STIP1: variants seen among roughly 807,000 people sequenced by gnomAD.
STIP1 encodes the protein stress-induced-phosphoprotein 1.
In STIP1, 16 loss-of-function variants were observed where a neutral mutation model predicts 77.4. The ratio of observed to expected loss-of-function variants is 0.21; its 90% confidence interval spans 0.14 to 0.31. The LOEUF is 0.31. STIP1 is among the 10% of genes least tolerant of loss of function. The probability of loss-of-function intolerance (pLI) is 1.00; values close to 1 mark genes in which losing one functional copy is unlikely to be tolerated. For synonymous variants in STIP1, 258 were observed against 246.6 expected (o/e 1.05, Z -0.44); for missense variants, 524 against 684.8 (o/e 0.77, Z 2.62).
chr11:64,204,408 G>GTT lies in STIP1; in HGVS notation c.*291_*292dup. On this transcript the variant is annotated 3_prime_UTR_variant, in exon 14 of 14. Transcript: ENST00000305218. ...TGTCTCGGCTGCTCTCCCATAGTTG[G>GTT]TTTTTTTTTTATTTGGGGCAGTGGG... 2.1e-4 allele frequency: 83 copies of GTT among 399,470 alleles called. No individual in the cohort carries two copies. The East Asian group carries it at 2.6e-3, about 12-fold the overall frequency. The allele number at this position is 399,470 out of a possible 1,614,324, so 24.7% of individuals were successfully genotyped here.
rs368536005 is a variant in STIP1, at chr11:64,203,162, G to A, written c.1320G>A (p.Ala440=). The change falls in exon 12 of 14, where the codon GCG becomes GCA. Residue 440 remains alanine, a synonymous_variant. Coordinates refer to ENST00000305218, the MANE Select transcript of STIP1 (RefSeq NM_006819.3). The part of the protein sequence containing the change: ...GYTRKAAALE[A]MKDYTKAMDV... Reference sequence around the variant, plus strand: ...CACGGAAAGCCGCTGCGCTGGAAGCGATGAAGGACTACACCAAAGCCATGG... The same window carrying A: ...CACGGAAAGCCGCTGCGCTGGAAGCAATGAAGGACTACACCAAAGCCATGG... The A allele has an allele frequency of 1.7e-5, 27 of 1,614,220 alleles. No individual in the cohort carries two copies. The highest frequency in any genetic ancestry group is 8.3e-5 in the Admixed American group (5 of 60,028).
intron 5 of STIP1, 111 bp from the exon 6 acceptor site, chr11:64,197,160 G>C (rs1231407670): frequency 5.6e-6 from 8 of 1,440,266 alleles, no homozygotes; most frequent in South Asian, 4.0e-5. Context: ...AGGAGAACTT[G>C]ATAGAATTCT....
intron 12 of STIP1, 26 bp downstream of exon 12, chr11:64,203,254 G>T (rs538407559): frequency 8.7e-6 from 14 of 1,609,732 alleles, no homozygotes; most frequent in Non-Finnish European, 1.2e-5. Flanking sequence ...GCCTCCAGGG[G>T]CCCCCCCTGC....
chr11:64,195,796 C>T lies in STIP1; in HGVS notation c.655C>T (p.Pro219Ser). ...TKPEPMEEDL[P>S]ENKKQALKEK... Reference sequence around the variant, plus strand: ...GCCAGAGCCAATGGAAGAAGATCTTCCAGAGAATAAGAAGCAGGTCTTGTT... The same window carrying T: ...GCCAGAGCCAATGGAAGAAGATCTTTCAGAGAATAAGAAGCAGGTCTTGTT... Residue 219 changes from proline (P) to serine (S), a missense_variant, in exon 5 of 14, where the codon CCA becomes TCA. Pro to Ser is a moderately conservative substitution (Grantham distance 74). Coordinates refer to ENST00000305218, the MANE Select transcript of STIP1 (RefSeq NM_006819.3). 6.2e-7 allele frequency: 1 copy of T among 1,614,044 alleles called. No individual in the cohort carries two copies. Among genetic ancestry groups the T allele is most frequent in the South Asian group, 1.1e-5 (1 of 91,076 alleles).
upstream of STIP1, chr11:64,185,716 C>CG (rs1363823872): frequency 7.0e-7 from 1 of 1,429,330 alleles, no homozygotes; most frequent in African/African-American, 1.4e-5. Flanking sequence ...ATATCAGGGG[C>CG]GGGGCGAAAC....
chr11:64,196,356 A>G (rs998585155), intron 5 of STIP1, among the ~76,000 whole-genome samples: 2 of 146,478 alleles, frequency 1.4e-5, no homozygotes, highest in Admixed American at 7.3e-5. Flanking sequence ...AGAGCTCATC[A>G]CTACACTCCA....
intron 1 of STIP1, among the ~76,000 whole-genome samples, chr11:64,192,595 C>T (rs530325964): frequency 1.3e-5 from 2 of 152,318 alleles, no homozygotes; most frequent in Admixed American, 6.5e-5. Flanking sequence ...AGCATCTTGC[C>T]GCTCCCAAGA....
At chr11:64,194,409 G>A in intron 3 of STIP1, 70 bp from the exon 4 acceptor site, 1 of 1,610,808 alleles carries the variant, frequency 6.2e-7, no homozygotes, top group Non-Finnish European at 8.5e-7. Context: ...ATGTCAGTCT[G>A]GTAGGGTATG....
chr11:64,186,218 A>G lies in STIP1; in HGVS notation c.-44A>G, dbSNP rs369899227. On this transcript the variant is annotated 5_prime_UTR_variant, in exon 1 of 14. Coordinates refer to ENST00000305218, the MANE Select transcript of STIP1 (RefSeq NM_006819.3). ...GCGGCGCGTGCGGTTGGGAACGCGG[A>G]GCGGACGGATTCGATTCAACGGGGT... is the stretch of plus-strand genomic sequence containing the variant. 23 of 1,549,852 alleles carry G rather than the reference A, an allele frequency of 1.5e-5. No homozygotes were observed. Among genetic ancestry groups the G allele is most frequent in the African/African-American group, 6.9e-5 (5 of 72,728 alleles).
At chr11:64,186,820 C>G (rs1014095720) in intron 1 of STIP1, among the ~76,000 whole-genome samples, 1 of 152,196 alleles carries the variant, frequency 6.6e-6, no homozygotes, top group Non-Finnish European at 1.5e-5. Flanking sequence ...AAATGTTACT[C>G]TTCTACATCT....
At position 64,197,477 on chromosome 11, in the gene STIP1, C is replaced by T. The variant is rs1230544595; in HGVS notation, c.800-16C>T. The T allele has an allele frequency of 6.2e-7, 1 of 1,614,012 alleles. No homozygotes were observed. The highest frequency in any genetic ancestry group is 8.5e-7 in the Non-Finnish European group (1 of 1,180,036). ...GCAAAGACTGACTGTTCCTTCTTAA[C>T]CATCCTGCCTGGCAGCGGTATACTT... is the stretch of plus-strand genomic sequence containing the variant. On this transcript the variant is annotated splice_polypyrimidine_tract_variant and intron_variant, in intron 6 of 13. Transcript: ENST00000305218.
At chr11:64,185,679 G>C (rs1946003049), upstream of STIP1, 2 of 1,161,486 alleles carry the variant, frequency 1.7e-6, no homozygotes, top group Non-Finnish European at 2.4e-6. Context: ...CACAGCTACA[G>C]ACCCCGACTG....
chr11:64,198,823 G>C (rs1218571340), intron 8 of STIP1, among the ~76,000 whole-genome samples: 1 of 143,442 alleles, frequency 7.0e-6, no homozygotes, highest in Non-Finnish European at 1.5e-5. Context: ...TTAATATTGA[G>C]GGCCTGTGCA....
intron 10 of STIP1, chr11:64,202,415 T>TTC (rs1173686844): frequency 3.4e-5 from 5 of 148,838 alleles, no homozygotes; most frequent in Non-Finnish European, 6.0e-5. Flanking sequence ...TTTTTTTTTT[T>TTC]TTTTTTTTTT....
Position 64,194,335 on chromosome 11 carries a change from GT to G in STIP1, c.361+6del. 1 of 1,613,064 alleles carries G rather than the reference GT, an allele frequency of 6.2e-7. No individual in the cohort carries two copies. The highest frequency in any genetic ancestry group is 8.5e-7 in the Non-Finnish European group (1 of 1,179,734). On this transcript the variant is annotated splice_donor_region_variant and intron_variant, in intron 3 of 13. Coordinates refer to ENST00000305218, the MANE Select transcript of STIP1 (RefSeq NM_006819.3). ...ATATGGAGGCCAGGTTGGCAGGTAGGTACCACGCACAGTTTTCTTTCTTATT... is the reference window on the plus strand; with the variant it reads ...ATATGGAGGCCAGGTTGGCAGGTAGGACCACGCACAGTTTTCTTTCTTATT...
intron 1 of STIP1, among the ~76,000 whole-genome samples, chr11:64,191,504 G>A (rs1264261634): frequency 6.6e-6 from 1 of 152,068 alleles, no homozygotes; most frequent in Non-Finnish European, 1.5e-5. Context: ...TACTCAGGAG[G>A]CTGAGGCAGG....
rs1946115178 is a variant in STIP1, at chr11:64,193,515, G to C, written c.219+228G>C. ...GGAAGAGGCCAGGGCTGGGCGCGGT[G>C]ACGCACGCCTGTGATCCCAACACTT... is the stretch of plus-strand genomic sequence containing the variant. On this transcript the variant is annotated intron_variant, in intron 2 of 13. Coordinates refer to ENST00000305218, the MANE Select transcript of STIP1 (RefSeq NM_006819.3). 3 of 527,932 alleles carry C rather than the reference G, an allele frequency of 5.7e-6. No individual in the cohort carries two copies. In the East Asian group the frequency reaches 1.0e-4, roughly 18 times the overall value. The allele number at this position is 527,932 out of a possible 1,614,324, so 32.7% of individuals were successfully genotyped here. A position where few individuals can be genotyped will look rare whatever the true frequency, so the allele number is the denominator to read the frequency against.
chr11:64,204,190 C>T lies in STIP1; in HGVS notation c.*64C>T. Reference sequence around the variant, plus strand: ...AAAGAGGAGCTGGGACCGCGGCGAGCAGCACGGAGCGGAAGGGAGAGCAGG... The same window carrying T: ...AAAGAGGAGCTGGGACCGCGGCGAGTAGCACGGAGCGGAAGGGAGAGCAGG... On this transcript the variant is annotated 3_prime_UTR_variant, in exon 14 of 14. Transcript: ENST00000305218. The T allele has an allele frequency of 6.4e-7, 1 of 1,551,430 alleles. No homozygotes were observed. The highest frequency in any genetic ancestry group is 2.2e-5 in the East Asian group (1 of 44,582).
Position 64,204,363 on chromosome 11 carries a change from T to A in STIP1, c.*237T>A, listed in dbSNP as rs1946260268. On this transcript the variant is annotated 3_prime_UTR_variant, in exon 14 of 14. Coordinates refer to ENST00000305218, the MANE Select transcript of STIP1 (RefSeq NM_006819.3). ...CCGCTGCCCTCGAGTTCCATGTCTCTTTCCCCTGCCCCTAGTTGCTGTCTC... is the reference window on the plus strand; with the variant it reads ...CCGCTGCCCTCGAGTTCCATGTCTCATTCCCCTGCCCCTAGTTGCTGTCTC... The A allele has an allele frequency of 5.9e-6, 3 of 506,332 alleles. No individual in the cohort carries two copies. In the Admixed American group the frequency reaches 1.1e-4, roughly 19 times the overall value. 31.4% of individuals were successfully genotyped at this position (506,332 alleles called of 1,614,324 possible). A position where few individuals can be genotyped will look rare whatever the true frequency, so the allele number is the denominator to read the frequency against.
Sources: gnomAD v4.1 joint callset for allele counts (sites outside exome capture counted in the v4.1 genomes callset) on GRCh38, gnomAD v4.1.1 for gene constraint, MANE v1.5 for transcripts, NCBI Gene and HGNC (gene_info 2026-07-23, HGNC 2026-07-21) for gene names.